CORO7: variants seen among roughly 807,000 people sequenced by gnomAD.
CORO7 encodes the protein coronin 7, also known as coronin-7.
A neutral mutation model predicts 126.6 loss-of-function variants in CORO7; 107 were observed. The observed-to-expected ratio is 0.85, with a 90% CI of 0.72 to 0.99. CORO7 has a LOEUF of 0.99. CORO7 is among the 50% of genes least tolerant of loss of function. CORO7 has a pLI of 0.00. For missense variants in CORO7, 1,314 were observed against 1,255.8 expected, an observed-to-expected ratio of 1.05 and a Z score of -0.70; for synonymous variants, 603 against 536.8, an observed-to-expected ratio of 1.12 and a Z score of -1.70.
rs2054222900 is a variant in CORO7 at position 4,362,734 on chromosome 16, C to A, written c.1280G>T (p.Gly427Val). The A allele has an allele frequency of 1.3e-5, 18 of 1,423,754 alleles. No individual in the cohort carries two copies. Among genetic ancestry groups the A allele is most frequent in the Non-Finnish European group, 1.6e-5 (17 of 1,084,074 alleles). The allele number at this position is 1,423,754 out of a possible 1,614,324, so 88.2% of individuals were successfully genotyped here. ...TPVGDADASE[G>V]FSSPPSSLTS... ...CAGCGAACTGGGAGGGGAAGAGAAA[C>A]CCTCCTGGGGAGGGGCATGGGGTCA... Residue 427 changes from glycine (G) to valine (V), a missense_variant, in exon 15 of 28, where the codon GGT (glycine) becomes GTT (valine). Physicochemically the swap from Gly to Val is moderately radical, Grantham distance 109. Transcript: ENST00000251166. The surrounding 1 kb of genome is among the most constrained non-coding windows in gnomAD (Gnocchi z 5.3).
At chr16:4,409,619 G>A (rs1054133981) in intron 3 of CORO7, among the ~76,000 whole-genome samples, 70 of 152,208 alleles carry the variant, frequency 4.6e-4, no homozygotes, top group African/African-American at 1.5e-3. Flanking sequence ...CCCAAGTCAC[G>A]CGGCTAAGAG....
At chr16:4,385,415 G>C (rs1470311605) in intron 9 of CORO7, among the ~76,000 whole-genome samples, 1 of 152,122 alleles carries the variant, frequency 6.6e-6, no homozygotes. Context: ...TGGGGGTAGG[G>C]GGTGATACAG....
intron 9 of CORO7, chr16:4,382,848 C>A: frequency 6.3e-7 from 1 of 1,589,206 alleles, no homozygotes; most frequent in Non-Finnish European, 8.6e-7. Flanking sequence ...CACTCATGGG[C>A]TTCCCAGGGC....
At chr16:4,415,677 C>T (rs2056381944) in intron 1 of CORO7, 1 of 983,650 alleles carries the variant, frequency 1.0e-6, no homozygotes. Flanking sequence ...GAGGTCAACT[C>T]CTAGGCCCAG....
Position 4,364,633 on chromosome 16 carries a change from G to A in CORO7, c.1101C>T (p.Thr367=), listed in dbSNP as rs769559140. ...CCCCAGCCCACCAGCTATGGGGGTC[G>A]GTGGCAGGCACACAGCCGGCAGTGT... ...FPDTAGCVPA[T]DPHSWWAGDN... The change falls in exon 13 of 28, where the codon ACC becomes ACT. Residue 367 remains threonine (T), a synonymous_variant. Coordinates refer to ENST00000251166, the MANE Select transcript of CORO7 (RefSeq NM_024535.5). 36 of 1,574,188 alleles carry A rather than the reference G, an allele frequency of 2.3e-5. No homozygotes were observed. The highest frequency in any genetic ancestry group is 1.4e-4 in the East Asian group (6 of 43,210).
At chr16:4,358,611 CG>C in intron 23 of CORO7, 128 bp from the exon 24 acceptor site, 1 of 776,312 alleles carries the variant, frequency 1.3e-6, no homozygotes, top group East Asian at 2.9e-5. Context: ...TGGACAGTAA[CG>C]TGTTGATCAT....
chr16:4,408,855 C>T (rs1273001981), intron 3 of CORO7, among the ~76,000 whole-genome samples: 1 of 152,094 alleles, frequency 6.6e-6, no homozygotes, highest in African/African-American at 2.4e-5. Context: ...CCCAGCTACT[C>T]AGGAGGCTGA....
intron 9 of CORO7, among the ~76,000 whole-genome samples, chr16:4,372,668 C>T (rs542257206): frequency 6.6e-6 from 1 of 152,334 alleles, no homozygotes; most frequent in African/African-American, 2.4e-5. Context: ...CTTTGTGTCC[C>T]TGGGCTGGCA....
intron 19 of CORO7, 108 bp downstream of exon 19, chr16:4,360,835 T>C (rs1422331773): frequency 2.0e-4 from 291 of 1,449,842 alleles, no homozygotes; most frequent in East Asian, 1.2e-3. Flanking sequence ...CTGCTGGTCC[T>C]GCCTCTCCTC....
chr16:4,415,654 G>C (rs1195558568), intron 1 of CORO7: 2 of 951,050 alleles, frequency 2.1e-6, no homozygotes, highest in Non-Finnish European at 1.3e-6. Context: ...CTGGGACCCT[G>C]ATGGGGTCAC....
chr16:4,404,810 C>T (rs991236034), intron 6 of CORO7, among the ~76,000 whole-genome samples: 2 of 152,116 alleles, frequency 1.3e-5, no homozygotes, highest in African/African-American at 4.8e-5. Flanking sequence ...CACGCATCCC[C>T]CTGTAGACAC....
At chr16:4,382,260 A>G in intron 9 of CORO7, 1 of 1,608,084 alleles carries the variant, frequency 6.2e-7, no homozygotes, top group Middle Eastern at 1.7e-4. Flanking sequence ...CGAGGCCACC[A>G]CGGTCCCTGA....
At chr16:4,388,769 T>C in intron 7 of CORO7, 138 bp from the exon 8 acceptor site, 1 of 935,970 alleles carries the variant, frequency 1.1e-6, no homozygotes, top group Non-Finnish European at 1.6e-6. Context: ...GCTGGGTCCT[T>C]CTCCACGTCC....
chr16:4,381,917 T>C, intron 9 of CORO7: 2 of 1,606,762 alleles, frequency 1.2e-6, no homozygotes, highest in Middle Eastern at 1.7e-4. Flanking sequence ...TACGCCGACT[T>C]TGGCTGCCCA....
intron 9 of CORO7, among the ~76,000 whole-genome samples, chr16:4,386,113 C>T (rs2055184805): frequency 6.6e-6 from 1 of 152,186 alleles, no homozygotes; most frequent in African/African-American, 2.4e-5. Flanking sequence ...CCTTGGCATC[C>T]ACCAGCTTCA....
chr16:4,362,640 G>A lies in CORO7; in HGVS notation c.1374C>T (p.Pro458=). 3 of 1,561,226 alleles carry A rather than the reference G, an allele frequency of 1.9e-6. No homozygotes were observed. The highest frequency in any genetic ancestry group is 2.6e-6 in the Non-Finnish European group (3 of 1,156,134). ...LSSTSGIGTS[P]SLRSLQSLLG... is the part of the protein sequence containing the mutation. ...GCAGGCTCTGCAGCGACCTCAAACT[G>A]GGGCTGGTCCCGATGCCACTGGTGC... is the stretch of plus-strand genomic sequence containing the variant. The change falls in exon 15 of 28, where the codon CCC becomes CCT. Residue 458 remains proline (P), a synonymous_variant. Coordinates refer to ENST00000251166, the MANE Select transcript of CORO7 (RefSeq NM_024535.5). The surrounding 1 kb of genome is among the most constrained non-coding windows in gnomAD (Gnocchi z 5.3).
chr16:4,398,725 T>G (rs1250415003), intron 6 of CORO7, among the ~76,000 whole-genome samples: 2 of 151,006 alleles, frequency 1.3e-5, no homozygotes, highest in African/African-American at 4.9e-5. Flanking sequence ...ATCCCAGCAC[T>G]TGGGGAGGCC....
At chr16:4,416,253 C>T (rs1011135418) in intron 1 of CORO7, among the ~76,000 whole-genome samples, 1 of 152,142 alleles carries the variant, frequency 6.6e-6, no homozygotes, top group African/African-American at 2.4e-5. Context: ...AGCGCCAGAG[C>T]GAGTCACGGG....
intron 3 of CORO7, among the ~76,000 whole-genome samples, chr16:4,411,881 T>C (rs1255197004): frequency 6.6e-6 from 1 of 151,838 alleles, no homozygotes; most frequent in African/African-American, 2.4e-5. Flanking sequence ...GGCAGGCTGC[T>C]GGACGCCCCC....
Sources: allele counts gnomAD v4.1 joint callset (sites outside exome capture counted in the v4.1 genomes callset), GRCh38; gene constraint gnomAD v4.1.1; non-coding constraint Gnocchi (gnomAD v3.1); transcripts MANE v1.5; gene names NCBI Gene and HGNC (gene_info 2026-07-23, HGNC 2026-07-21).